The following LDLRAD4 variants were observed in gnomAD, a reference collection of about 807,000 sequenced individuals.
LDLRAD4 encodes the protein low density lipoprotein receptor class A domain containing 4, also known as low-density lipoprotein receptor class A domain-containing protein 4.
LDLRAD4 carries 5 observed loss-of-function variants against 17.0 expected under a neutral mutation model. That is an observed-to-expected ratio of 0.29 (90% CI 0.15 to 0.62). The LOEUF (loss-of-function observed/expected upper bound fraction) is 0.62. Ranked by LOEUF, LDLRAD4 falls within the 20% of genes least tolerant of loss-of-function variation. The probability of loss-of-function intolerance (pLI) is 0.84; values close to 1 mark genes in which losing one functional copy is unlikely to be tolerated. For missense variants in LDLRAD4, 340 were observed against 424.7 expected, an observed-to-expected ratio of 0.80 and a Z score of 1.75; for synonymous variants, 168 against 171.8, an observed-to-expected ratio of 0.98 and a Z score of 0.17.
intron 3 of LDLRAD4, among the ~76,000 whole-genome samples, chr18:13,482,150 A>G (rs903802988): frequency 1.1e-4 from 17 of 152,032 alleles, no homozygotes; most frequent in African/African-American, 4.1e-4. Context: ...CCTGGCCTGT[A>G]GTGAGGGCTG....
At chr18:13,565,751 C>T (rs1785163) in intron 3 of LDLRAD4, among the ~76,000 whole-genome samples, 32,131 of 152,242 alleles carry the variant, frequency 0.21, 4,085 homozygotes, top group Middle Eastern at 0.37. Context: ...GTACCTGCAC[C>T]TCACTTTGTG....
chr18:13,225,038 G>A (rs912692326), intron 1 of LDLRAD4, among the ~76,000 whole-genome samples: 1 of 151,886 alleles, frequency 6.6e-6, no homozygotes, highest in Admixed American at 6.6e-5. Context: ...GTTTCGTCAT[G>A]TTGGCCAGGC....
chr18:13,452,919 C>T (rs887482146), intron 3 of LDLRAD4, among the ~76,000 whole-genome samples: 2 of 152,102 alleles, frequency 1.3e-5, no homozygotes, highest in South Asian at 2.1e-4. Context: ...CCAGAGGCAA[C>T]GTCCTGGGGC....
intron 3 of LDLRAD4, among the ~76,000 whole-genome samples, chr18:13,559,791 C>G (rs1433382726): frequency 6.6e-6 from 1 of 152,226 alleles, no homozygotes; most frequent in Non-Finnish European, 1.5e-5. Context: ...CACTGCCCCT[C>G]TCCTGGACTC....
At chr18:13,357,050 C>T (rs576580438) in intron 1 of LDLRAD4, among the ~76,000 whole-genome samples, 11 of 152,216 alleles carry the variant, frequency 7.2e-5, no homozygotes, top group East Asian at 3.9e-4. Context: ...AGGAGAATGG[C>T]GTGAACCCAG....
chr18:13,465,433 T>C (rs534731986), intron 3 of LDLRAD4, among the ~76,000 whole-genome samples: 4 of 152,336 alleles, frequency 2.6e-5, no homozygotes, highest in East Asian at 1.9e-4. Context: ...GTAGGAGTTA[T>C]GGACAAATGC....
At chr18:13,421,423 G>A (rs1207035929) in intron 2 of LDLRAD4, among the ~76,000 whole-genome samples, 1 of 152,136 alleles carries the variant, frequency 6.6e-6, no homozygotes, top group Non-Finnish European at 1.5e-5. Context: ...CATGCAGGGT[G>A]GCCTCCCAGC....
At chr18:13,303,769 C>G (rs1241124069) in intron 1 of LDLRAD4, among the ~76,000 whole-genome samples, 7 of 152,204 alleles carry the variant, frequency 4.6e-5, no homozygotes, top group African/African-American at 1.7e-4. Flanking sequence ...ACAGAACCCT[C>G]TTAGGAATGG....
intron 1 of LDLRAD4, among the ~76,000 whole-genome samples, chr18:13,327,860 G>T (rs2081619200): frequency 6.6e-6 from 1 of 152,136 alleles, no homozygotes; most frequent in South Asian, 2.1e-4. Context: ...CTTCTGGGCT[G>T]TCATCAATCT....
intron 3 of LDLRAD4, among the ~76,000 whole-genome samples, chr18:13,568,213 G>C (rs530748604): frequency 3.3e-5 from 5 of 151,984 alleles, no homozygotes; most frequent in Admixed American, 6.6e-5. Flanking sequence ...AGAATCACTT[G>C]AACCTGGGAG....
At chr18:13,587,519 A>T (rs1338818374) in intron 3 of LDLRAD4, among the ~76,000 whole-genome samples, 2 of 152,178 alleles carry the variant, frequency 1.3e-5, no homozygotes, top group Admixed American at 6.5e-5. Context: ...CAACGTCCAC[A>T]CTTCGTTTCA....
At chr18:13,426,968 G>A (rs952202123) in intron 2 of LDLRAD4, among the ~76,000 whole-genome samples, 2 of 152,054 alleles carry the variant, frequency 1.3e-5, no homozygotes, top group African/African-American at 2.4e-5. Flanking sequence ...GGCGGATCAC[G>A]AAGTTAGCAG....
At chr18:13,328,227 C>G (rs1350295252) in intron 1 of LDLRAD4, among the ~76,000 whole-genome samples, 1 of 152,186 alleles carries the variant, frequency 6.6e-6, no homozygotes, top group Non-Finnish European at 1.5e-5. Context: ...TCTGCTTCAC[C>G]TTTTGATGTC....
chr18:13,386,028 G>A (rs543083398), intron 1 of LDLRAD4, among the ~76,000 whole-genome samples: 1 of 152,246 alleles, frequency 6.6e-6, no homozygotes, highest in African/African-American at 2.4e-5. Flanking sequence ...TAATTAGTAC[G>A]TATCAGTGAT....
intron 3 of LDLRAD4, among the ~76,000 whole-genome samples, chr18:13,452,037 A>T (rs1426882879): frequency 6.6e-6 from 1 of 152,170 alleles, no homozygotes; most frequent in Non-Finnish European, 1.5e-5. Context: ...GGAGGAAATC[A>T]CCCGGAAGGA....
intron 3 of LDLRAD4, among the ~76,000 whole-genome samples, chr18:13,523,173 GT>G (rs2093979184): frequency 1.3e-5 from 2 of 152,210 alleles, no homozygotes; most frequent in Non-Finnish European, 1.5e-5. Context: ...CCTTTCCTGG[GT>G]GGGGTCAGAT....
intron 3 of LDLRAD4, among the ~76,000 whole-genome samples, chr18:13,523,479 C>A (rs981194969): frequency 2.0e-5 from 3 of 152,246 alleles, no homozygotes; most frequent in Middle Eastern, 3.4e-3. Flanking sequence ...TGAAGAGGAC[C>A]CCAGGCCTGG....
intron 1 of LDLRAD4, among the ~76,000 whole-genome samples, chr18:13,268,999 T>C (rs1386367598): frequency 6.6e-6 from 1 of 152,208 alleles, no homozygotes; most frequent in Non-Finnish European, 1.5e-5. Context: ...AGATTAACTT[T>C]AGGGTTTTTG....
At chr18:13,552,300 G>A (rs2094442594) in intron 3 of LDLRAD4, among the ~76,000 whole-genome samples, 1 of 152,228 alleles carries the variant, frequency 6.6e-6, no homozygotes, top group Non-Finnish European at 1.5e-5. Context: ...TGCTGGGGCA[G>A]TGCAGACAGA....
Sources: allele counts gnomAD v4.1 joint callset (sites outside exome capture counted in the v4.1 genomes callset), GRCh38; gene constraint gnomAD v4.1.1; transcripts MANE v1.5; gene names NCBI Gene and HGNC (gene_info 2026-07-23, HGNC 2026-07-21).